The following F10 variants were observed in gnomAD, a reference collection of about 807,000 sequenced individuals.
The protein encoded by F10 is coagulation factor X, also known as Stuart-Prower factor.
F10 carries 29 observed loss-of-function variants against 37.1 expected under a neutral mutation model. That is an observed-to-expected ratio of 0.78 (90% CI 0.58 to 1.07). F10 has a LOEUF of 1.07. F10 is among the 50% of genes least tolerant of loss of function. F10 has a pLI of 0.00. For synonymous variants in F10, 262 were observed against 268.6 expected, an observed-to-expected ratio of 0.98 and a Z score of 0.24; for missense variants, 539 against 667.9, an observed-to-expected ratio of 0.81 and a Z score of 2.13.
At chr13:113,145,082 G>T (rs527649806) in intron 6 of F10, among the ~76,000 whole-genome samples, 1 of 152,106 alleles carries the variant, frequency 6.6e-6, no homozygotes, top group African/African-American at 2.4e-5. Flanking sequence ...GGGTTTCACC[G>T]TGTTAGCCAG....
Position 113,148,391 on chromosome 13 carries a change from CATAT to C in F10, c.866-519_866-516del, listed in dbSNP as rs569007060. ...ATATATATATGTGTATATATATATACATATATATACACACACACACACAATTTCC... is the reference window on the plus strand; with the variant it reads ...ATATATATATGTGTATATATATATACATATACACACACACACACAATTTCC... On this transcript the variant is annotated intron_variant, in intron 7 of 7. Transcript: ENST00000375559. Among the ~76,000 whole-genome samples the C allele has an allele frequency of 3.2e-3, 78 of 24,440 alleles. No individual in the cohort carries two copies. In the East Asian group the frequency reaches 0.12, roughly 39 times the overall value. The allele number at this position is 24,440 out of a possible 152,430, so 16.0% of individuals were successfully genotyped here.
intron 2 of F10, among the ~76,000 whole-genome samples, chr13:113,132,965 GA>G (rs1356769610): frequency 1.3e-5 from 2 of 152,162 alleles, no homozygotes; most frequent in Non-Finnish European, 2.9e-5. Context: ...TAAGTACTCG[GA>G]AATTAAGTCA....
In F10 at chr13:113,136,751, C is replaced by T. The variant is rs1482688294; in HGVS notation, c.232-1706C>T. On this transcript the variant is annotated intron_variant, in intron 2 of 7. Transcript: ENST00000375559. ...CTGCAAGCTCCGCCTCCCGGGTTCA[C>T]GCCATTCTCCTGCCTCAGCCTCCCA... Among the ~76,000 whole-genome samples the T allele has an allele frequency of 5.6e-5, 2 of 35,564 alleles. 1 individual carries two copies. The highest frequency in any genetic ancestry group is 1.3e-4 in the African/African-American group (2 of 15,202). The allele number at this position is 35,564 out of a possible 152,430, so 23.3% of individuals were successfully genotyped here. A position where few individuals can be genotyped will look rare whatever the true frequency, so the allele number is the denominator to read the frequency against.
chr13:113,139,163 A>G lies in F10; in HGVS notation c.257-194A>G, dbSNP rs993478864. ...AAAGCTGGGCCGGTGATCCACCTAG[A>G]TAAAGGCATCACGTACACATGGCCA... On this transcript the variant is annotated intron_variant, in intron 3 of 7. Transcript: ENST00000375559. This position sits in a 1 kb window ranked among gnomAD's most constrained non-coding sequence, Gnocchi z 5.2. Among the ~76,000 whole-genome samples the G allele has an allele frequency of 6.6e-6, 1 of 152,218 alleles. No individual in the cohort carries two copies. The highest frequency in any genetic ancestry group is 2.4e-5 in the African/African-American group (1 of 41,456).
In F10 at chr13:113,140,234, C is replaced by T. The variant is rs369906873; in HGVS notation, c.371-685C>T. Among the ~76,000 whole-genome samples, 362 of 151,948 alleles carry T rather than the reference C, an allele frequency of 2.4e-3. 2 individuals carry two copies. The highest frequency in any genetic ancestry group is 8.3e-3 in the African/African-American group (344 of 41,428). ...GACTATAGGCCCCGGCCACCAGTCC[C>T]GGCTAATTTTTTTTTTTTTTAATTT... On this transcript the variant is annotated intron_variant, in intron 4 of 7. Coordinates refer to ENST00000375559, the MANE Select transcript of F10 (RefSeq NM_000504.4).
intron 1 of F10, among the ~76,000 whole-genome samples, chr13:113,125,363 T>C (rs2036360515): frequency 6.6e-6 from 1 of 152,240 alleles, no homozygotes; most frequent in Non-Finnish European, 1.5e-5. Context: ...CTGAAAATTT[T>C]GCTTGCTGGT....
At position 113,142,522 on chromosome 13, in the gene F10, G is replaced by A. The variant is rs1477096986; in HGVS notation, c.503-1329G>A. On this transcript the variant is annotated intron_variant, in intron 5 of 7. Transcript: ENST00000375559. ...CACTGAGCCGAGATTGCGCCACTGC[G>A]CTCCAGCCTGGGCAACAGAATGAGA... 1.8e-4 allele frequency among the ~76,000 whole-genome samples: 24 copies of A among 133,964 alleles called. 1 individual carries two copies. The highest frequency in any genetic ancestry group is 7.0e-4 in the Admixed American group (9 of 12,942). 87.9% of individuals were successfully genotyped at this position (133,964 alleles called of 152,430 possible). A position where few individuals can be genotyped will look rare whatever the true frequency, so the allele number is the denominator to read the frequency against.
In F10 at chr13:113,139,813, A is replaced by G. The variant is rs1481091458; in HGVS notation, c.370+343A>G. On this transcript the variant is annotated intron_variant, in intron 4 of 7. Coordinates refer to ENST00000375559, the MANE Select transcript of F10 (RefSeq NM_000504.4). The surrounding 1 kb of genome is among the most constrained non-coding windows in gnomAD (Gnocchi z 5.2). ...TTGGGGCCAAGTGCATTGCCCTGTT[A>G]TTCCTGCTCCTTGTGACCCTGTGCA... 1.3e-5 allele frequency among the ~76,000 whole-genome samples: 2 copies of G among 151,970 alleles called. No individual in the cohort carries two copies. Among genetic ancestry groups the G allele is most frequent in the Non-Finnish European group, 2.9e-5 (2 of 68,010 alleles).
chr13:113,129,274 AGAGGACGGGTCCACTCAGT>A (rs1417149892), intron 1 of F10, among the ~76,000 whole-genome samples, 159 bp from the exon 2 acceptor site: 1 of 151,992 alleles, frequency 6.6e-6, no homozygotes, highest in Non-Finnish European at 1.5e-5. Flanking sequence ...CCCTTGGCAG[AGAGGACGGGTCCACTCAGT>A]GAGTTGGGGG....
At chr13:113,148,475 A>G (rs2138556337) in intron 7 of F10, among the ~76,000 whole-genome samples, 1 of 151,574 alleles carries the variant, frequency 6.6e-6, no homozygotes, top group African/African-American at 2.4e-5. Context: ...TCCATGTGTA[A>G]TCATGTTAAA....
chr13:113,129,955 G>A (rs1421019638), intron 2 of F10: 1 of 353,260 alleles, frequency 2.8e-6, no homozygotes, highest in Non-Finnish European at 5.6e-6. Context: ...GCCTCGCCGA[G>A]TTGCAGTGAG....
At position 113,141,190 on chromosome 13, in the gene F10, G is replaced by A. The variant is rs963259658; in HGVS notation, c.502+140G>A. 2 of 1,251,704 alleles carry A rather than the reference G, an allele frequency of 1.6e-6. No individual in the cohort carries two copies. Among genetic ancestry groups the A allele is most frequent in the Admixed American group, 4.2e-5 (2 of 48,146 alleles). The allele number at this position is 1,251,704 out of a possible 1,614,324, so 77.5% of individuals were successfully genotyped here. On this transcript the variant is annotated intron_variant, in intron 5 of 7. Coordinates refer to ENST00000375559, the MANE Select transcript of F10 (RefSeq NM_000504.4). The surrounding 1 kb of genome is among the most constrained non-coding windows in gnomAD (Gnocchi z 5.4). ...AGTGACACCAAGAGGACAGGACTGA[G>A]CCCTGGGCTCCGGGCCCAGGTGGTT...
At position 113,146,975 on chromosome 13, in the gene F10, C is replaced by T. The variant is rs1359774315; in HGVS notation, c.748-404C>T. On this transcript the variant is annotated intron_variant, in intron 6 of 7. Transcript: ENST00000375559. This position sits in a 1 kb window ranked among gnomAD's most constrained non-coding sequence, Gnocchi z 4.5. The stretch of plus-strand genomic sequence containing the variant: ...TGGGGGACAGGCTCACACTGCTGAA[C>T]CGTCGGGACACCAGGCAGGCACACC... Among the ~76,000 whole-genome samples the T allele has an allele frequency of 6.6e-6, 1 of 152,132 alleles. No homozygotes were observed. Among genetic ancestry groups the T allele is most frequent in the Non-Finnish European group, 1.5e-5 (1 of 68,012 alleles).
rs2036504279 is a variant in F10, at chr13:113,139,117, C to T, written c.257-240C>T. ...GTCACCTCTGACTGTAAACACACTG[C>T]AAAACACCGGCAAAAATCAAAAAGC... is the stretch of plus-strand genomic sequence containing the variant. On this transcript the variant is annotated intron_variant, in intron 3 of 7. Coordinates refer to ENST00000375559, the MANE Select transcript of F10 (RefSeq NM_000504.4). This position sits in a 1 kb window ranked among gnomAD's most constrained non-coding sequence, Gnocchi z 5.2. Among the ~76,000 whole-genome samples the T allele has an allele frequency of 6.6e-6, 1 of 152,152 alleles. No individual in the cohort carries two copies. The highest frequency in any genetic ancestry group is 1.5e-5 in the Non-Finnish European group (1 of 68,036).
chr13:113,123,065 C>A, intron 1 of F10, 140 bp downstream of exon 1: 2 of 1,036,174 alleles, frequency 1.9e-6, no homozygotes, highest in Non-Finnish European at 2.9e-6. Flanking sequence ...GATGGCTGGG[C>A]TTGGCCTTTC....
chr13:113,124,653 T>A (rs895033015), intron 1 of F10, among the ~76,000 whole-genome samples: 3 of 152,254 alleles, frequency 2.0e-5, no homozygotes, highest in Admixed American at 2.0e-4. Flanking sequence ...GCGCACAGCA[T>A]CTGCAGTCTA....
intron 2 of F10, chr13:113,131,889 T>A (rs1406069540): frequency 6.6e-6 from 1 of 152,330 alleles, no homozygotes; most frequent in Non-Finnish European, 1.5e-5. Flanking sequence ...AATATGGGCT[T>A]CCGCCCACAG....
Position 113,144,941 on chromosome 13 carries a change from C to T in F10, c.747+846C>T, listed in dbSNP as rs756404052. On this transcript the variant is annotated intron_variant, in intron 6 of 7. Transcript: ENST00000375559. This position sits in a 1 kb window ranked among gnomAD's most constrained non-coding sequence, Gnocchi z 6.4. ...TCGCCCAGGCTGGAGTGCAGTGGCG[C>T]GATCTCGGCTCACTGCAACCTCCAC... 1.5e-4 allele frequency among the ~76,000 whole-genome samples: 23 copies of T among 151,984 alleles called. No individual in the cohort carries two copies. Among genetic ancestry groups the T allele is most frequent in the Admixed American group, 2.6e-4 (4 of 15,262 alleles).
chr13:113,140,176 C>T (rs1281548677), intron 4 of F10, among the ~76,000 whole-genome samples: 1 of 151,668 alleles, frequency 6.6e-6, no homozygotes, highest in East Asian at 1.9e-4. Context: ...CAGGTTCACG[C>T]CATTCTCCTG....
Sources: allele counts gnomAD v4.1 joint callset (sites outside exome capture counted in the v4.1 genomes callset), GRCh38; gene constraint gnomAD v4.1.1; non-coding constraint Gnocchi (gnomAD v3.1); transcripts MANE v1.5; gene names NCBI Gene and HGNC (gene_info 2026-07-23, HGNC 2026-07-21).